ADGRL3: variants seen among roughly 807,000 people sequenced by gnomAD.
The protein encoded by ADGRL3 is adhesion G protein-coupled receptor L3, also known as calcium-independent alpha-latrotoxin receptor 3.
In ADGRL3, 62 loss-of-function variants were observed where a neutral mutation model predicts 153.5. That is an observed-to-expected ratio of 0.40 (90% CI 0.33 to 0.50). ADGRL3 has a LOEUF of 0.50. Ranked by LOEUF, ADGRL3 falls within the 20% of genes least tolerant of loss-of-function variation. ADGRL3 has a pLI of 0.47. For synonymous variants in ADGRL3, 710 were observed against 672.5 expected (o/e 1.06, Z -0.86); for missense variants, 1,641 against 1,859.4 (o/e 0.88, Z 2.16).
chr4:61,814,224 T>G (rs1327101968), intron 9 of ADGRL3, among the ~76,000 whole-genome samples: 3 of 151,646 alleles, frequency 2.0e-5, no homozygotes, highest in Non-Finnish European at 4.4e-5. Context: ...TTCTACTATC[T>G]TATTTTTTTT....
Position 62,070,804 on chromosome 4 carries a change from C to T in ADGRL3, c.4528C>T (p.Leu1510=). ...CCATCAGCTGCATACTTACTACCAG[C>T]TAGGTCGCGGCAGCAGTGATGGATT... ...HVHQLHTYYQ[L]GRGSSDGFIV... is the part of the protein sequence containing the mutation. The change falls in exon 27 of 27, where the codon CTA becomes TTA. Residue 1510 remains leucine, a synonymous_variant. Coordinates refer to ENST00000683033, the MANE Select transcript of ADGRL3 (RefSeq NM_001387552.1). The T allele has an allele frequency of 6.4e-7, 1 of 1,551,702 alleles. No individual in the cohort carries two copies. Among genetic ancestry groups the T allele is most frequent in the Non-Finnish European group, 8.7e-7 (1 of 1,146,986 alleles).
At chr4:61,256,124 A>G (rs1392966383) in intron 1 of ADGRL3, among the ~76,000 whole-genome samples, 1 of 152,190 alleles carries the variant, frequency 6.6e-6, no homozygotes, top group African/African-American at 2.4e-5. Flanking sequence ...TCATTTCTCA[A>G]AACACATTTT....
At chr4:61,302,183 C>T (rs1470586611) in intron 1 of ADGRL3, among the ~76,000 whole-genome samples, 4 of 151,924 alleles carry the variant, frequency 2.6e-5, no homozygotes, top group African/African-American at 4.8e-5. Context: ...ATTTTTGTTT[C>T]CTAGATTAGG....
At chr4:61,231,850 A>G (rs543806186) in intron 1 of ADGRL3, among the ~76,000 whole-genome samples, 30 of 152,264 alleles carry the variant, frequency 2.0e-4, no homozygotes, top group African/African-American at 7.2e-4. Context: ...CTGTAATTAC[A>G]GTACCTTGGG....
chr4:61,486,281 G>T (rs1209287735), intron 2 of ADGRL3, among the ~76,000 whole-genome samples: 1 of 152,038 alleles, frequency 6.6e-6, no homozygotes, highest in Non-Finnish European at 1.5e-5. Flanking sequence ...TATAATGCCA[G>T]TTGCATTGAT....
chr4:61,523,154 T>C (rs1020399348), intron 4 of ADGRL3, among the ~76,000 whole-genome samples: 6 of 152,256 alleles, frequency 3.9e-5, no homozygotes, highest in East Asian at 1.9e-4. Flanking sequence ...ATGTTCTTAC[T>C]TTCCTTACTC....
Position 61,497,233 on chromosome 4 carries a change from T to C in ADGRL3, c.-61T>C. 1.1e-6 allele frequency: 1 copy of C among 929,962 alleles called. No homozygotes were observed. Among genetic ancestry groups the C allele is most frequent in the Non-Finnish European group, 1.7e-6 (1 of 588,006 alleles). 57.6% of individuals were successfully genotyped at this position (929,962 alleles called of 1,614,324 possible). On this transcript the variant is annotated 5_prime_UTR_variant, in exon 3 of 27. Transcript: ENST00000683033. ...ACAGAAGAGAAACTAGAAATATACGTATTTTGTTTCACATTTGAACAGTCA... is the reference window on the plus strand; with the variant it reads ...ACAGAAGAGAAACTAGAAATATACGCATTTTGTTTCACATTTGAACAGTCA...
At chr4:61,934,160 T>G (rs1457219716) in intron 13 of ADGRL3, among the ~76,000 whole-genome samples, 1 of 152,192 alleles carries the variant, frequency 6.6e-6, no homozygotes, top group African/African-American at 2.4e-5. Context: ...CTACTGCTGA[T>G]TTTTTAAAAG....
At chr4:61,672,952 A>T (rs1405196875) in intron 5 of ADGRL3, among the ~76,000 whole-genome samples, 6 of 151,982 alleles carry the variant, frequency 3.9e-5, no homozygotes, top group Non-Finnish European at 8.8e-5. Flanking sequence ...TGAATAGATA[A>T]AAAGTAAATG....
At chr4:61,909,204 A>AC (rs1346242181) in intron 11 of ADGRL3, among the ~76,000 whole-genome samples, 1 of 152,112 alleles carries the variant, frequency 6.6e-6, no homozygotes, top group Non-Finnish European at 1.5e-5. Context: ...AGAACTTACA[A>AC]TGTGGTTGGG....
At chr4:61,374,548 G>A (rs2096581093) in intron 1 of ADGRL3, among the ~76,000 whole-genome samples, 1 of 152,074 alleles carries the variant, frequency 6.6e-6, no homozygotes, top group African/African-American at 2.4e-5. Context: ...CCTCAGTACT[G>A]AAGATTTTCT....
chr4:61,831,033 C>T lies in ADGRL3; in HGVS notation c.1480+17144C>T, dbSNP rs554450351. Among the ~76,000 whole-genome samples, 220 of 152,102 alleles carry T rather than the reference C, an allele frequency of 1.4e-3. 6 individuals are homozygous for T. The South Asian group carries it at 0.037, about 25-fold the overall frequency. On this transcript the variant is annotated intron_variant, in intron 9 of 26. Coordinates refer to ENST00000683033, the MANE Select transcript of ADGRL3 (RefSeq NM_001387552.1). ...CCACCCAAATAGCTGGGATTACAGG[C>T]ACCTGCCACCACACCCGGCTAATTT...
intron 17 of ADGRL3, among the ~76,000 whole-genome samples, chr4:61,954,700 T>C (rs2098959799): frequency 6.6e-6 from 1 of 152,038 alleles, no homozygotes; most frequent in African/African-American, 2.4e-5. Flanking sequence ...TAGACCTAAG[T>C]GTCTTTCTCT....
intron 9 of ADGRL3, among the ~76,000 whole-genome samples, chr4:61,857,724 TTCTC>T (rs5858737): frequency 0.091 from 13,765 of 151,320 alleles, 1,363 homozygotes; most frequent in African/African-American, 0.24. Context: ...CCTTTCTTTC[TTCTC>T]TCTTTCTTTC....
chr4:61,238,317 T>C (rs1054238936), intron 1 of ADGRL3, among the ~76,000 whole-genome samples: 2 of 152,160 alleles, frequency 1.3e-5, no homozygotes, highest in African/African-American at 4.8e-5. Flanking sequence ...TCACTTAAGA[T>C]ACAAATATTT....
At chr4:61,939,309 A>T (rs1005513870) in intron 15 of ADGRL3, among the ~76,000 whole-genome samples, 1 of 152,190 alleles carries the variant, frequency 6.6e-6, no homozygotes, top group African/African-American at 2.4e-5. Flanking sequence ...GGAATTTGAC[A>T]GTTGTACATA....
intron 2 of ADGRL3, among the ~76,000 whole-genome samples, chr4:61,434,865 A>G (rs954891718): frequency 5.9e-5 from 9 of 152,128 alleles, no homozygotes; most frequent in Non-Finnish European, 8.8e-5. Context: ...AAAGATGTAC[A>G]TCTCATCTCT....
chr4:61,501,279 TG>T (rs1052068256), intron 3 of ADGRL3, among the ~76,000 whole-genome samples: 1 of 152,220 alleles, frequency 6.6e-6, no homozygotes, highest in African/African-American at 2.4e-5. Context: ...CCTAAAAATG[TG>T]TAGCTTAATA....
chr4:61,565,073 G>A (rs2098810906), intron 4 of ADGRL3, among the ~76,000 whole-genome samples: 2 of 152,120 alleles, frequency 1.3e-5, no homozygotes, highest in African/African-American at 4.8e-5. Flanking sequence ...ATGTGACAGA[G>A]ACAGGTAGTG....
Sources: allele counts gnomAD v4.1 joint callset (sites outside exome capture counted in the v4.1 genomes callset), GRCh38; gene constraint gnomAD v4.1.1; transcripts MANE v1.5; gene names NCBI Gene and HGNC (gene_info 2026-07-23, HGNC 2026-07-21).